The following DNAJC13 variants were observed in gnomAD, a reference collection of about 807,000 sequenced individuals.
The protein encoded by DNAJC13 is dnaJ homolog subfamily C member 13.
A neutral mutation model predicts 290.5 loss-of-function variants in DNAJC13; 75 were observed. The observed-to-expected ratio is 0.26, with a 90% confidence interval of 0.21 to 0.31. The LOEUF is 0.31. DNAJC13 is among the 10% of genes least tolerant of loss of function. The probability of loss-of-function intolerance (pLI) is 1.00; values close to 1 mark genes in which losing one functional copy is unlikely to be tolerated. For missense variants in DNAJC13, 2,260 were observed against 2,674.5 expected (o/e 0.85, Z 3.42); for synonymous variants, 862 against 892.0 (o/e 0.97, Z 0.60).
chr3:132,536,063 T>A (rs940659743), intron 55 of DNAJC13, among the ~76,000 whole-genome samples: 2 of 152,200 alleles, frequency 1.3e-5, no homozygotes, highest in Non-Finnish European at 2.9e-5. Context: ...TTTTCTCAGT[T>A]CACAGTGCCC....
chr3:132,504,369 C>T (rs1409426652), intron 41 of DNAJC13, among the ~76,000 whole-genome samples: 13 of 150,266 alleles, frequency 8.7e-5, no homozygotes, highest in South Asian at 2.1e-4. Flanking sequence ...AAACACTAGA[C>T]GACCAGGGAC....
chr3:132,516,601 T>C lies in DNAJC13; in HGVS notation c.5561-103T>C, dbSNP rs1337280187. Reference sequence around the variant, plus strand: ...AACTAGAAGAATGCTTTGGAATGTTTACAGTTTTTAAAAACTACATTCAGT... The same window carrying C: ...AACTAGAAGAATGCTTTGGAATGTTCACAGTTTTTAAAAACTACATTCAGT... On this transcript the variant is annotated intron_variant, in intron 47 of 55. Coordinates refer to ENST00000260818, the MANE Select transcript of DNAJC13 (RefSeq NM_015268.4). The C allele has an allele frequency of 3.9e-6, 6 of 1,527,168 alleles. No individual in the cohort carries two copies. In the Admixed American group the frequency reaches 1.1e-4, roughly 29 times the overall value. The allele number at this position is 1,527,168 out of a possible 1,614,324, so 94.6% of individuals were successfully genotyped here.
chr3:132,430,728 C>G (rs1939218587), intron 1 of DNAJC13, among the ~76,000 whole-genome samples: 1 of 152,192 alleles, frequency 6.6e-6, no homozygotes. Flanking sequence ...ATATCTCTCT[C>G]TCTCCCTTTT....
chr3:132,515,635 T>G (rs1056407234), intron 46 of DNAJC13, among the ~76,000 whole-genome samples: 3 of 152,192 alleles, frequency 2.0e-5, no homozygotes, highest in Admixed American at 1.3e-4. Flanking sequence ...GTTATGGAAC[T>G]CATAATTTTT....
chr3:132,455,479 T>C (rs1395051731), intron 9 of DNAJC13, among the ~76,000 whole-genome samples: 2 of 152,228 alleles, frequency 1.3e-5, no homozygotes, highest in African/African-American at 4.8e-5. Flanking sequence ...GCAGTTCCAC[T>C]TTTAGGTATC....
Position 132,526,240 on chromosome 3 carries a change from A to C in DNAJC13, c.6340A>C (p.Asn2114His), listed in dbSNP as rs1470016379. 6 of 1,614,058 alleles carry C rather than the reference A, an allele frequency of 3.7e-6. No homozygotes were observed. The Admixed American group carries it at 6.7e-5, about 18-fold the overall frequency. ...DTVGLACEAINRMFQKEQSEL... is the reference protein window; with the variant it reads ...DTVGLACEAIHRMFQKEQSEL... The stretch of plus-strand genomic sequence containing the variant: ...TGTTGGTCTAGCCTGTGAAGCAATT[A>C]ATCGAATGTTTCAGAAGGAGCAGAG... Residue 2114 changes from asparagine (N) to histidine (H), a missense_variant, in exon 53 of 56, where the codon AAT (asparagine) becomes CAT (histidine). Asn to His is a moderately conservative substitution (Grantham distance 68). Coordinates refer to ENST00000260818, the MANE Select transcript of DNAJC13 (RefSeq NM_015268.4).
intron 55 of DNAJC13, chr3:132,537,284 T>C (rs1936623488): frequency 2.2e-6 from 1 of 454,430 alleles, no homozygotes; most frequent in Admixed American, 2.4e-5. Context: ...AATGTTTTGC[T>C]AAATGCATGC....
At chr3:132,447,542 A>G (rs1933290254) in intron 4 of DNAJC13, 72 bp downstream of exon 4, 1 of 1,373,020 alleles carries the variant, frequency 7.3e-7, no homozygotes, top group Non-Finnish European at 9.6e-7. Context: ...ACATAGAAGT[A>G]GAGAAATTAA....
intron 55 of DNAJC13, among the ~76,000 whole-genome samples, chr3:132,533,333 CTTTTTTTTT>C (rs1180651951): frequency 8.6e-6 from 1 of 115,714 alleles, no homozygotes; most frequent in African/African-American, 3.5e-5. Context: ...TGCCCGCCCT[CTTTTTTTTT>C]TTTTTTTTTT....
In DNAJC13 at chr3:132,494,977, A is replaced by G. The variant is rs1935186444; in HGVS notation, c.3942-111A>G. On this transcript the variant is annotated intron_variant, in intron 34 of 55. Transcript: ENST00000260818. The stretch of plus-strand genomic sequence containing the variant: ...GGTTTAATTTGAAGCCTAATATATA[A>G]TCATATACAATTCTTGATATTAGAT... The G allele has an allele frequency of 5.8e-6, 4 of 689,526 alleles. No homozygotes were observed. The South Asian group carries it at 1.0e-4, about 17-fold the overall frequency. 42.7% of individuals were successfully genotyped at this position (689,526 alleles called of 1,614,324 possible). A position where few individuals can be genotyped will look rare whatever the true frequency, so the allele number is the denominator to read the frequency against.
chr3:132,460,305 T>C lies in DNAJC13; in HGVS notation c.1505T>C (p.Leu502Pro). ...RQEQLNKASL[L>P]SSKKFLENLL... The stretch of plus-strand genomic sequence containing the variant: ...GAACAGTTGAACAAAGCTTCTCTTC[T>C]CTCGTCAAAGAAGTTTCTGGAAAAC... Residue 502 changes from leucine to proline, a missense_variant, in exon 14 of 56, where the codon CTC (leucine) becomes CCC (proline). By Grantham distance (98) the Leu-to-Pro change is moderately conservative. This residue lies in a region of DNAJC13 where 762 missense variants were observed against 964.1 expected (regional missense o/e 0.79). Coordinates refer to ENST00000260818, the MANE Select transcript of DNAJC13 (RefSeq NM_015268.4). The C allele has an allele frequency of 6.2e-7, 1 of 1,613,134 alleles. No homozygotes were observed. Among genetic ancestry groups the C allele is most frequent in the Non-Finnish European group, 8.5e-7 (1 of 1,179,400 alleles).
chr3:132,448,155 A>G (rs544578517), intron 5 of DNAJC13, among the ~76,000 whole-genome samples: 56 of 152,272 alleles, frequency 3.7e-4, no homozygotes, highest in African/African-American at 1.2e-3. Flanking sequence ...ATGGGGGGAA[A>G]AAAAGGCAAA....
At chr3:132,468,127 A>G (rs1934063463) in intron 20 of DNAJC13, among the ~76,000 whole-genome samples, 1 of 152,202 alleles carries the variant, frequency 6.6e-6, no homozygotes, top group Non-Finnish European at 1.5e-5. Context: ...TTTTAGTCTC[A>G]TTCTTCAGCA....
chr3:132,528,766 GT>G (rs11341234), intron 54 of DNAJC13, among the ~76,000 whole-genome samples: 86,030 of 149,192 alleles, frequency 0.58, 26,313 homozygotes, highest in East Asian at 0.87. Context: ...AAAAGTGTTG[GT>G]TTTTTTTTTT....
intron 2 of DNAJC13, among the ~76,000 whole-genome samples, chr3:132,434,890 A>G (rs922923684): frequency 6.6e-6 from 1 of 152,224 alleles, no homozygotes; most frequent in African/African-American, 2.4e-5. Context: ...CTTGTATGCT[A>G]TCAATTAATG....
intron 38 of DNAJC13, among the ~76,000 whole-genome samples, chr3:132,500,514 A>C (rs949901914): frequency 6.6e-6 from 1 of 152,184 alleles, no homozygotes; most frequent in Non-Finnish European, 1.5e-5. Context: ...ACAGCCCTTT[A>C]AAAATCTAAA....
chr3:132,453,826 A>G (rs892968021), intron 8 of DNAJC13, 132 bp downstream of exon 8: 2 of 789,092 alleles, frequency 2.5e-6, no homozygotes, highest in Admixed American at 2.7e-5. Context: ...AACTCTTAAC[A>G]TATTTATATT....
chr3:132,465,627 A>G lies in DNAJC13; in HGVS notation c.1893-368A>G, dbSNP rs74426936. Reference sequence around the variant, plus strand: ...GTTCAGAATTCCAAAAAATGCCAGGATGCCATTGTCACTATATTAGTAGGA... The same window carrying G: ...GTTCAGAATTCCAAAAAATGCCAGGGTGCCATTGTCACTATATTAGTAGGA... On this transcript the variant is annotated intron_variant, in intron 17 of 55. Coordinates refer to ENST00000260818, the MANE Select transcript of DNAJC13 (RefSeq NM_015268.4). Among the ~76,000 whole-genome samples, 476 of 152,224 alleles carry G rather than the reference A, an allele frequency of 3.1e-3. 3 individuals carry two copies. The highest frequency in any genetic ancestry group is 0.011 in the African/African-American group (453 of 41,530).
chr3:132,463,891 A>C (rs1269153129), intron 17 of DNAJC13, 74 bp downstream of exon 17: 2 of 1,490,786 alleles, frequency 1.3e-6, no homozygotes, highest in Non-Finnish European at 1.8e-6. Flanking sequence ...ACATAAAACT[A>C]AATGTGTTTG....
Sources: gnomAD v4.1 joint callset for allele counts (sites outside exome capture counted in the v4.1 genomes callset) on GRCh38, gnomAD v4.1.1 for gene constraint, gnomAD v4.1.1 regional missense constraint, MANE v1.5 for transcripts, NCBI Gene and HGNC (gene_info 2026-07-23, HGNC 2026-07-21) for gene names.